The following MZT1 variants were observed in gnomAD, a reference collection of about 807,000 sequenced individuals.
The protein encoded by MZT1 is mitotic-spindle organizing protein 1.
In MZT1, 8 loss-of-function variants were observed where a neutral mutation model predicts 8.5. The observed-to-expected ratio is 0.94, with a 90% CI of 0.55 to 1.70. The LOEUF is 1.70. Among genes scored for constraint, MZT1 ranks in the 40% most tolerant of loss-of-function variants. The pLI, the probability that MZT1 is intolerant of heterozygous loss-of-function variation, is 0.00. For synonymous variants in MZT1, 38 were observed against 42.0 expected (o/e 0.90, Z 0.37); for missense variants, 93 against 108.6 (o/e 0.86, Z 0.64).
At chr13:72,727,467 T>TG (rs1322452693) in intron 1 of MZT1, 57 bp downstream of exon 1, 5 of 1,561,974 alleles carry the variant, frequency 3.2e-6, no homozygotes, top group Non-Finnish European at 4.4e-6. Context: ...CATTCCCGCC[T>TG]GGGGGCCTTG....
At chr13:72,722,495 C>T (rs1268452577) in intron 1 of MZT1, among the ~76,000 whole-genome samples, 1 of 152,136 alleles carries the variant, frequency 6.6e-6, no homozygotes, top group Non-Finnish European at 1.5e-5. Context: ...GGTGCTTTGT[C>T]ATTCTTGGCT....
rs187999114 is a variant in MZT1, at chr13:72,721,196, T to C, written c.80-2099A>G. On this transcript the variant is annotated intron_variant, in intron 1 of 2. Coordinates refer to ENST00000377818, the MANE Select transcript of MZT1 (RefSeq NM_001071775.3). ...CTTGAGCTTTATAATGAGATACCGT[T>C]ATCTGGAAATGGTTTGATCCTTTCG... 9.2e-5 allele frequency among the ~76,000 whole-genome samples: 14 copies of C among 152,342 alleles called. No homozygotes were observed. The East Asian group carries it at 2.7e-3, about 29-fold the overall frequency.
chr13:72,724,376 G>A (rs111315400), intron 1 of MZT1, among the ~76,000 whole-genome samples: 1 of 151,922 alleles, frequency 6.6e-6, no homozygotes, highest in African/African-American at 2.4e-5. Flanking sequence ...AAGAACAGGA[G>A]GCAGAGGAGG....
chr13:72,725,021 G>A (rs1258482838), intron 1 of MZT1, among the ~76,000 whole-genome samples: 1 of 146,772 alleles, frequency 6.8e-6, no homozygotes, highest in African/African-American at 2.5e-5. Context: ...AGCCAAGGTC[G>A]CGCCACTGCA....
intron 2 of MZT1, among the ~76,000 whole-genome samples, chr13:72,715,795 A>C (rs1465610894): frequency 6.6e-6 from 1 of 152,000 alleles, no homozygotes; most frequent in Non-Finnish European, 1.5e-5. Flanking sequence ...TTGTTTCCAT[A>C]ATGATTGTAA....
At chr13:72,725,614 G>C (rs1434021833) in intron 1 of MZT1, among the ~76,000 whole-genome samples, 1 of 151,870 alleles carries the variant, frequency 6.6e-6, no homozygotes, top group Non-Finnish European at 1.5e-5. Flanking sequence ...TTCATTTTTT[G>C]TTTTACTTCA....
In MZT1 at chr13:72,724,703, T is replaced by A. The variant is rs1451259167; in HGVS notation, c.79+2821A>T. Among the ~76,000 whole-genome samples the A allele has an allele frequency of 2.4e-3, 53 of 22,260 alleles. 1 individual carries two copies. Among genetic ancestry groups the A allele is most frequent in the Non-Finnish European group, 0.012 (34 of 2,890 alleles). The allele number at this position is 22,260 out of a possible 152,430, so 14.6% of individuals were successfully genotyped here. A position where few individuals can be genotyped will look rare whatever the true frequency, so the allele number is the denominator to read the frequency against. Reference sequence around the variant, plus strand: ...ACAGGCACCCGTACTTACTACTAAATATATATATATATATACATATATATA... The same window carrying A: ...ACAGGCACCCGTACTTACTACTAAAAATATATATATATATACATATATATA... On this transcript the variant is annotated intron_variant, in intron 1 of 2. Transcript: ENST00000377818.
At chr13:72,726,397 C>G (rs762559395) in intron 1 of MZT1, among the ~76,000 whole-genome samples, 2 of 152,116 alleles carry the variant, frequency 1.3e-5, no homozygotes, top group Non-Finnish European at 2.9e-5. Context: ...CGCCATTGCA[C>G]TCCACCCTGG....
chr13:72,722,628 CA>C (rs967721054), intron 1 of MZT1, among the ~76,000 whole-genome samples: 3 of 152,012 alleles, frequency 2.0e-5, no homozygotes, highest in East Asian at 3.9e-4. Context: ...GGTCCAGATC[CA>C]AAAAACACAT....
intron 2 of MZT1, among the ~76,000 whole-genome samples, chr13:72,713,860 A>C (rs2032510588): frequency 6.6e-6 from 1 of 152,238 alleles, no homozygotes; most frequent in Admixed American, 6.5e-5. Context: ...TCACTGTTAT[A>C]ATGATAGAGG....
Position 72,715,561 on chromosome 13 carries a change from T to C in MZT1, c.225+3391A>G, listed in dbSNP as rs76741745. On this transcript the variant is annotated intron_variant, in intron 2 of 2. Transcript: ENST00000377818. ...CCCACCCAAATTTCACCTTGAAATG[T>C]AATTTCCAATGTTGTAATCTCCATT... 6.6e-4 allele frequency among the ~76,000 whole-genome samples: 100 copies of C among 152,308 alleles called. 1 individual carries two copies. In the East Asian group the frequency reaches 8.5e-3, roughly 13 times the overall value.
intron 1 of MZT1, among the ~76,000 whole-genome samples, chr13:72,719,593 T>A (rs2032573658): frequency 6.6e-6 from 1 of 152,178 alleles, no homozygotes; most frequent in African/African-American, 2.4e-5. Flanking sequence ...GTAGAACTGC[T>A]CAGTCAGTAA....
rs1207680509 is a variant in MZT1 at position 72,709,515 on chromosome 13, T to A, written c.*807A>T. On this transcript the variant is annotated 3_prime_UTR_variant, in exon 3 of 3. Transcript: ENST00000377818. The stretch of plus-strand genomic sequence containing the variant: ...CATGTTTGTTGTTTCATTTTACAAA[T>A]TTTTTTATTCCGTTATTTATAGGAT... The A allele has an allele frequency of 6.6e-6, 1 of 152,060 alleles. No homozygotes were observed. The highest frequency in any genetic ancestry group is 1.5e-5 in the Non-Finnish European group (1 of 67,918). 9.4% of individuals were successfully genotyped at this position (152,060 alleles called of 1,614,324 possible).
intron 1 of MZT1, among the ~76,000 whole-genome samples, chr13:72,724,571 C>G (rs1290724459): frequency 7.3e-6 from 1 of 137,582 alleles, no homozygotes; most frequent in Non-Finnish European, 1.6e-5. Flanking sequence ...TGGAGTCTAG[C>G]TCTGTCACCC....
At chr13:72,724,752 A>ATGTGTGTGTGTG (rs1555270950) in intron 1 of MZT1, among the ~76,000 whole-genome samples, 610 of 56,818 alleles carry the variant, frequency 0.011, 31 homozygotes, top group Middle Eastern at 0.018. Context: ...ACATATATAT[A>ATGTGTGTGTGTG]TGTAAAGTGG....
chr13:72,721,818 T>C (rs1478288715), intron 1 of MZT1, among the ~76,000 whole-genome samples: 1 of 152,240 alleles, frequency 6.6e-6, no homozygotes, highest in Non-Finnish European at 1.5e-5. Flanking sequence ...AGCATAAATC[T>C]AATCTCTGTT....
chr13:72,719,245 T>C, intron 1 of MZT1, 148 bp from the exon 2 acceptor site: 1 of 562,874 alleles, frequency 1.8e-6, no homozygotes, highest in Non-Finnish European at 2.8e-6. Flanking sequence ...TGTAATACTT[T>C]CTTGCCTTTA....
In MZT1 at chr13:72,710,204, A is replaced by C. The variant is rs1157861889; in HGVS notation, c.*118T>G. ...GCTATGGTTTTATAATTCTTTTAAAAAGTAAAATTTTTCTACACTGCTGCA... is the reference window on the plus strand; with the variant it reads ...GCTATGGTTTTATAATTCTTTTAAACAGTAAAATTTTTCTACACTGCTGCA... On this transcript the variant is annotated 3_prime_UTR_variant, in exon 3 of 3. Transcript: ENST00000377818. 1.9e-6 allele frequency: 2 copies of C among 1,030,302 alleles called. No homozygotes were observed. Among genetic ancestry groups the C allele is most frequent in the Non-Finnish European group, 2.9e-6 (2 of 688,546 alleles). The allele number at this position is 1,030,302 out of a possible 1,614,324, so 63.8% of individuals were successfully genotyped here. A position where few individuals can be genotyped will look rare whatever the true frequency, so the allele number is the denominator to read the frequency against.
At chr13:72,715,403 C>T (rs1231421075) in intron 2 of MZT1, among the ~76,000 whole-genome samples, 1 of 152,066 alleles carries the variant, frequency 6.6e-6, no homozygotes, top group Non-Finnish European at 1.5e-5. Flanking sequence ...GAACTTTGGA[C>T]TTTTGAGTTA....
Sources: allele counts gnomAD v4.1 joint callset (sites outside exome capture counted in the v4.1 genomes callset), GRCh38; gene constraint gnomAD v4.1.1; transcripts MANE v1.5; gene names NCBI Gene and HGNC (gene_info 2026-07-23, HGNC 2026-07-21).